Variants in RBFOX1 observed in about 807,000 individuals in gnomAD.
The protein encoded by RBFOX1 is RNA binding fox-1 homolog 1, also known as RNA binding protein fox-1 homolog 1.
A neutral mutation model predicts 57.7 loss-of-function variants in RBFOX1; 8 were observed. That is an observed-to-expected ratio of 0.14 (90% CI 0.08 to 0.25). The LOEUF is 0.25. Ranked by LOEUF, RBFOX1 falls within the 10% of genes least tolerant of loss-of-function variation. RBFOX1 has a pLI of 1.00. For missense variants in RBFOX1, 611 were observed against 548.5 expected, an observed-to-expected ratio of 1.11 and a Z score of -1.14; for synonymous variants, 326 against 222.4, an observed-to-expected ratio of 1.47 and a Z score of -4.15.
Position 7,532,600 on chromosome 16 carries a change from C to T in RBFOX1, c.270+14211C>T, listed in dbSNP as rs767830421. On this transcript the variant is annotated intron_variant, in intron 5 of 15. Coordinates refer to ENST00000550418, the MANE Select transcript of RBFOX1 (RefSeq NM_018723.4). ...GGCCCAGAGCCCCTTAGCAGCTCTT[C>T]CTTTTCTCTCTTCTCTCCAGCCTTC... Among the ~76,000 whole-genome samples the T allele has an allele frequency of 5.3e-5, 8 of 152,162 alleles. No individual in the cohort carries two copies. In the South Asian group the frequency reaches 8.3e-4, roughly 16 times the overall value.
At chr16:6,240,845 CG>C (rs1305101846) in intron 1 of RBFOX1, among the ~76,000 whole-genome samples, 2 of 152,128 alleles carry the variant, frequency 1.3e-5, no homozygotes, top group African/African-American at 4.8e-5. Flanking sequence ...AATATGCACA[CG>C]TTATGCAGTT....
chr16:5,832,730 A>G (rs1444551727), intron 3 of RBFOX1, among the ~76,000 whole-genome samples: 1 of 152,186 alleles, frequency 6.6e-6, no homozygotes. Context: ...GAATTAACAG[A>G]AATTTAAAAA....
intron 1 of RBFOX1, among the ~76,000 whole-genome samples, chr16:6,173,442 A>AAC (rs555061043): frequency 5.3e-5 from 8 of 152,014 alleles, no homozygotes; most frequent in Non-Finnish European, 1.2e-4. Flanking sequence ...AAAATTTACA[A>AAC]ACACACATGT....
At chr16:7,385,215 C>A (rs1313520322) in intron 4 of RBFOX1, among the ~76,000 whole-genome samples, 1 of 152,114 alleles carries the variant, frequency 6.6e-6, no homozygotes, top group Non-Finnish European at 1.5e-5. Context: ...TTGCATTTCA[C>A]AAAGATGACT....
At chr16:6,867,820 T>G (rs953614119) in intron 3 of RBFOX1, among the ~76,000 whole-genome samples, 2 of 152,220 alleles carry the variant, frequency 1.3e-5, no homozygotes, top group African/African-American at 4.8e-5. Flanking sequence ...CCCTTGATCC[T>G]GGTGTAATTA....
chr16:5,333,392 T>G (rs2064811154), intron 1 of RBFOX1, among the ~76,000 whole-genome samples: 1 of 152,190 alleles, frequency 6.6e-6, no homozygotes. Flanking sequence ...GTTGAGTAAT[T>G]GAGACAGAGA....
At chr16:5,357,480 G>A (rs1364668185) in intron 1 of RBFOX1, among the ~76,000 whole-genome samples, 1 of 152,218 alleles carries the variant, frequency 6.6e-6, no homozygotes, top group Non-Finnish European at 1.5e-5. Context: ...ACAGGGAAGA[G>A]CCACACAGAG....
chr16:7,393,765 C>G (rs1257172297), intron 4 of RBFOX1, among the ~76,000 whole-genome samples: 1 of 152,164 alleles, frequency 6.6e-6, no homozygotes, highest in Non-Finnish European at 1.5e-5. Flanking sequence ...GGGTGGTAGC[C>G]GCCTTACCCC....
intron 3 of RBFOX1, among the ~76,000 whole-genome samples, chr16:6,790,621 C>G (rs572717829): frequency 2.2e-4 from 34 of 152,172 alleles, no homozygotes; most frequent in Admixed American, 3.3e-4. Context: ...TTTTAAGTCT[C>G]TTTACTGTAG....
chr16:6,875,848 A>T (rs949327883), intron 3 of RBFOX1, among the ~76,000 whole-genome samples: 1 of 152,046 alleles, frequency 6.6e-6, no homozygotes, highest in Non-Finnish European at 1.5e-5. Context: ...CTACAAAAAA[A>T]TTAGCCAGTC....
intron 1 of RBFOX1, among the ~76,000 whole-genome samples, chr16:6,256,979 CA>C (rs2097671731): frequency 6.6e-6 from 1 of 152,082 alleles, no homozygotes; most frequent in East Asian, 1.9e-4. Flanking sequence ...ACCTGCATTC[CA>C]TGAGTAGATG....
At chr16:7,474,219 G>A (rs1307323167) in intron 4 of RBFOX1, among the ~76,000 whole-genome samples, 1 of 152,088 alleles carries the variant, frequency 6.6e-6, no homozygotes, top group Non-Finnish European at 1.5e-5. Context: ...CATGGGAGGC[G>A]GAAGTTGCAG....
intron 4 of RBFOX1, among the ~76,000 whole-genome samples, chr16:7,275,428 G>A (rs1331188703): frequency 6.6e-6 from 1 of 152,158 alleles, no homozygotes; most frequent in Non-Finnish European, 1.5e-5. Flanking sequence ...CAGCAATGAT[G>A]ATTCTCCAGA....
At chr16:5,634,443 A>G (rs879809135) in intron 3 of RBFOX1, among the ~76,000 whole-genome samples, 9 of 152,222 alleles carry the variant, frequency 5.9e-5, no homozygotes, top group Non-Finnish European at 1.3e-4. Context: ...AAGCTAATTA[A>G]TCATTTTAAA....
At chr16:7,153,727 C>CAAAAAAA (rs113270300) in intron 4 of RBFOX1, among the ~76,000 whole-genome samples, 3 of 128,788 alleles carry the variant, frequency 2.3e-5, no homozygotes, top group African/African-American at 6.0e-5. Flanking sequence ...GACAGTGTCT[C>CAAAAAAA]AAAAAAAAAA....
chr16:7,353,424 C>T (rs924797948), intron 4 of RBFOX1, among the ~76,000 whole-genome samples: 5 of 152,134 alleles, frequency 3.3e-5, no homozygotes, highest in Admixed American at 6.5e-5. Flanking sequence ...AAAAAAATTA[C>T]TCAGTTATTA....
At chr16:7,308,567 T>C (rs1718881554) in intron 4 of RBFOX1, among the ~76,000 whole-genome samples, 2 of 152,222 alleles carry the variant, frequency 1.3e-5, no homozygotes, top group African/African-American at 4.8e-5. Flanking sequence ...TTTTCCCACT[T>C]AATGATGATC....
chr16:6,672,569 A>T (rs996579623), intron 3 of RBFOX1, among the ~76,000 whole-genome samples: 1 of 152,162 alleles, frequency 6.6e-6, no homozygotes, highest in Admixed American at 6.5e-5. Flanking sequence ...AAAGAAAGAG[A>T]AGAAATTCTG....
At chr16:7,019,510 G>A (rs538096192) in intron 3 of RBFOX1, among the ~76,000 whole-genome samples, 33 of 152,234 alleles carry the variant, frequency 2.2e-4, no homozygotes, top group African/African-American at 7.9e-4. Flanking sequence ...CTGAACCCCT[G>A]AGCCCATGGT....
Sources: allele counts gnomAD v4.1 joint callset (sites outside exome capture counted in the v4.1 genomes callset), GRCh38; gene constraint gnomAD v4.1.1; transcripts MANE v1.5; gene names NCBI Gene and HGNC (gene_info 2026-07-23, HGNC 2026-07-21).